Variants in RASAL2 observed in about 807,000 individuals in gnomAD.
RASAL2 encodes the protein RAS protein activator like 2.
In RASAL2, 58 loss-of-function variants were observed where a neutral mutation model predicts 128.9. That is an observed-to-expected ratio of 0.45 (90% confidence interval 0.36 to 0.56). The LOEUF is 0.56. RASAL2 is among the 20% of genes least tolerant of loss of function. The probability of loss-of-function intolerance (pLI) is 0.00; values close to 1 mark genes in which losing one functional copy is unlikely to be tolerated. For synonymous variants in RASAL2, 561 were observed against 580.8 expected, an observed-to-expected ratio of 0.97 and a Z score of 0.49; for missense variants, 1,360 against 1,601.6, an observed-to-expected ratio of 0.85 and a Z score of 2.57.
intron 1 of RASAL2, among the ~76,000 whole-genome samples, chr1:178,239,231 C>T (rs972094829): frequency 2.0e-5 from 3 of 152,004 alleles, no homozygotes; most frequent in Admixed American, 2.0e-4. Context: ...ATAACCATAA[C>T]CTTGGTCAAA....
intron 1 of RASAL2, among the ~76,000 whole-genome samples, chr1:178,282,138 G>A (rs1448332254): frequency 1.3e-5 from 2 of 152,052 alleles, no homozygotes; most frequent in African/African-American, 2.4e-5. Flanking sequence ...CAGAAAATAA[G>A]GGAAGAAAAG....
intron 1 of RASAL2, among the ~76,000 whole-genome samples, chr1:178,219,940 C>T (rs1285693003): frequency 6.6e-6 from 1 of 152,014 alleles, no homozygotes; most frequent in East Asian, 1.9e-4. Context: ...CGGGTGGATC[C>T]CTCGTGAATG....
At chr1:178,315,212 CA>C (rs1444434450) in intron 3 of RASAL2, among the ~76,000 whole-genome samples, 1 of 147,850 alleles carries the variant, frequency 6.8e-6, no homozygotes, top group East Asian at 2.0e-4. Flanking sequence ...GGGTTGGTTC[CA>C]AGTCTTTGCT....
chr1:178,409,469 A>G (rs192324827), intron 4 of RASAL2, among the ~76,000 whole-genome samples: 13 of 152,342 alleles, frequency 8.5e-5, no homozygotes, highest in Non-Finnish European at 2.9e-5. Context: ...ATCAAAAAGG[A>G]TGATTCAGCC....
chr1:178,254,167 G>C (rs1665200604), intron 1 of RASAL2, among the ~76,000 whole-genome samples: 1 of 152,138 alleles, frequency 6.6e-6, no homozygotes. Context: ...TGTTGTCTCT[G>C]TGTGAGATCT....
At chr1:178,123,267 A>T (rs1003497178) in intron 1 of RASAL2, 2 of 152,208 alleles carry the variant, frequency 1.3e-5, no homozygotes, top group African/African-American at 2.4e-5. Flanking sequence ...GTTTAAGATG[A>T]TTAAATTATG....
intron 1 of RASAL2, among the ~76,000 whole-genome samples, chr1:178,269,787 T>C (rs949257204): frequency 2.6e-5 from 4 of 152,246 alleles, no homozygotes; most frequent in African/African-American, 9.6e-5. Flanking sequence ...GGCTGCTCTG[T>C]CTATGGAGTA....
chr1:178,416,957 G>A (rs1674798397), intron 4 of RASAL2, among the ~76,000 whole-genome samples: 1 of 146,306 alleles, frequency 6.8e-6, no homozygotes, highest in African/African-American at 2.5e-5. Flanking sequence ...AGTTTTGGGG[G>A]TTGGGATTTT....
At chr1:178,297,907 C>T (rs984364914) in intron 2 of RASAL2, among the ~76,000 whole-genome samples, 6 of 151,952 alleles carry the variant, frequency 3.9e-5, no homozygotes, top group African/African-American at 1.4e-4. Context: ...TTGGATATGG[C>T]GTTTATAAAT....
At chr1:178,329,416 G>T (rs1306298678) in intron 3 of RASAL2, among the ~76,000 whole-genome samples, 2 of 152,114 alleles carry the variant, frequency 1.3e-5, no homozygotes, top group African/African-American at 4.8e-5. Context: ...GAAGTGCTCA[G>T]CATTGTAAAT....
intron 1 of RASAL2, among the ~76,000 whole-genome samples, chr1:178,102,528 A>G (rs1251451587): frequency 3.3e-5 from 5 of 152,004 alleles, no homozygotes; most frequent in African/African-American, 1.2e-4. Flanking sequence ...GGCTGAGATA[A>G]TTATTCTTTT....
intron 3 of RASAL2, among the ~76,000 whole-genome samples, chr1:178,340,418 T>C (rs968572657): frequency 1.3e-5 from 2 of 152,112 alleles, no homozygotes; most frequent in African/African-American, 4.8e-5. Flanking sequence ...ATAATGAAGA[T>C]TACATAGTTG....
At chr1:178,323,291 C>G (rs978223431) in intron 3 of RASAL2, among the ~76,000 whole-genome samples, 1 of 152,148 alleles carries the variant, frequency 6.6e-6, no homozygotes, top group African/African-American at 2.4e-5. Flanking sequence ...TAACTGCAGG[C>G]TGAGTGAGTG....
chr1:178,324,331 G>C (rs1017765081), intron 3 of RASAL2, among the ~76,000 whole-genome samples: 1 of 151,660 alleles, frequency 6.6e-6, no homozygotes, highest in African/African-American at 2.4e-5. Context: ...AAGGTGGGAG[G>C]ATTGCTTTGG....
chr1:178,308,158 T>C (rs1242604920), intron 3 of RASAL2, among the ~76,000 whole-genome samples: 2 of 152,128 alleles, frequency 1.3e-5, no homozygotes, highest in Admixed American at 1.3e-4. Context: ...CCTAGAGTCC[T>C]CAAAAACCTA....
At chr1:178,356,212 T>C (rs1670803274) in intron 3 of RASAL2, among the ~76,000 whole-genome samples, 1 of 146,114 alleles carries the variant, frequency 6.8e-6, no homozygotes, top group Admixed American at 6.8e-5. Flanking sequence ...CCCCACATAA[T>C]CTCCAGATTG....
intron 1 of RASAL2, among the ~76,000 whole-genome samples, chr1:178,154,187 TC>T (rs2101883616): frequency 6.6e-6 from 1 of 151,296 alleles, no homozygotes; most frequent in Admixed American, 6.6e-5. Flanking sequence ...TGCTCTATAC[TC>T]CAGGCTGTAG....
chr1:178,456,595 AT>A, intron 12 of RASAL2, 125 bp from the exon 13 acceptor site: 3 of 987,952 alleles, frequency 3.0e-6, no homozygotes, highest in Non-Finnish European at 4.8e-6. Flanking sequence ...CCACTCCCAT[AT>A]GCAAACACTT....
chr1:178,135,919 T>C (rs1017462580), intron 1 of RASAL2, among the ~76,000 whole-genome samples: 1 of 152,176 alleles, frequency 6.6e-6, no homozygotes, highest in Non-Finnish European at 1.5e-5. Flanking sequence ...ACTGCCCCCA[T>C]GATTCAGTTA....
Sources: gnomAD v4.1 joint callset for allele counts (sites outside exome capture counted in the v4.1 genomes callset) on GRCh38, gnomAD v4.1.1 for gene constraint, MANE v1.5 for transcripts, NCBI Gene and HGNC (gene_info 2026-07-23, HGNC 2026-07-21) for gene names.